Variants in ADTRP observed in about 807,000 individuals in gnomAD.
ADTRP encodes androgen dependent TFPI regulating protein.
In ADTRP, 20 loss-of-function variants were observed where a neutral mutation model predicts 27.0. That is an observed-to-expected ratio of 0.74 (90% CI 0.52 to 1.08). The LOEUF is 1.08. ADTRP is among the 50% of genes least tolerant of loss of function. ADTRP has a pLI of 0.00. For synonymous variants in ADTRP, 101 were observed against 105.2 expected, an observed-to-expected ratio of 0.96 and a Z score of 0.25; for missense variants, 251 against 275.0, an observed-to-expected ratio of 0.91 and a Z score of 0.62.
chr6:11,754,399 T>C (rs1763149764), intron 3 of ADTRP, among the ~76,000 whole-genome samples: 1 of 152,140 alleles, frequency 6.6e-6, no homozygotes, highest in Non-Finnish European at 1.5e-5. Flanking sequence ...AACAAGGACC[T>C]TCTCTATATA....
intron 3 of ADTRP, among the ~76,000 whole-genome samples, chr6:11,741,533 T>C (rs1033659141): frequency 5.9e-5 from 9 of 152,214 alleles, no homozygotes; most frequent in African/African-American, 1.9e-4. Context: ...ATGACAACTT[T>C]ATGAATCTTC....
At chr6:11,761,126 T>C (rs1763378636) in intron 3 of ADTRP, among the ~76,000 whole-genome samples, 1 of 152,238 alleles carries the variant, frequency 6.6e-6, no homozygotes, top group African/African-American at 2.4e-5. Flanking sequence ...GCCTTTCTTC[T>C]GCCAGAATGT....
chr6:11,754,939 G>T, intron 3 of ADTRP: 1 of 796,538 alleles, frequency 1.3e-6, no homozygotes, highest in South Asian at 5.8e-5. Flanking sequence ...TCTGTCTTGA[G>T]ATCATGGGAG....
chr6:11,757,293 T>A (rs1763244771), intron 3 of ADTRP, among the ~76,000 whole-genome samples: 2 of 152,150 alleles, frequency 1.3e-5, no homozygotes, highest in African/African-American at 4.8e-5. Flanking sequence ...ATCCCCCCAA[T>A]CTTTTACTCT....
intron 3 of ADTRP, among the ~76,000 whole-genome samples, chr6:11,757,556 A>C (rs1008305907): frequency 6.6e-6 from 1 of 152,210 alleles, no homozygotes; most frequent in African/African-American, 2.4e-5. Context: ...CTCATTTGGA[A>C]ACAAATGCAA....
chr6:11,775,201 A>G (rs553929176), intron 1 of ADTRP, among the ~76,000 whole-genome samples: 1 of 152,062 alleles, frequency 6.6e-6, no homozygotes, highest in South Asian at 2.1e-4. Context: ...GTGCTCAGTG[A>G]GGAGACTGAT....
At chr6:11,716,412 C>T (rs183598313) in intron 5 of ADTRP, among the ~76,000 whole-genome samples, 3 of 152,212 alleles carry the variant, frequency 2.0e-5, no homozygotes, top group Admixed American at 1.3e-4. Flanking sequence ...TGGTTCCCTC[C>T]ATTGGATTAG....
intron 1 of ADTRP, among the ~76,000 whole-genome samples, chr6:11,774,187 T>A (rs1464297883): frequency 6.6e-6 from 1 of 151,998 alleles, no homozygotes; most frequent in African/African-American, 2.4e-5. Flanking sequence ...GTGCATGCTG[T>A]AGTCCCAGCT....
chr6:11,741,702 T>C (rs1762720442), intron 3 of ADTRP, among the ~76,000 whole-genome samples: 1 of 136,282 alleles, frequency 7.3e-6, no homozygotes, highest in Admixed American at 7.4e-5. Flanking sequence ...TTCTATCCAG[T>C]TAAGGATAAG....
intron 5 of ADTRP, among the ~76,000 whole-genome samples, chr6:11,718,307 C>T (rs1287344292): frequency 6.6e-6 from 1 of 152,262 alleles, no homozygotes; most frequent in African/African-American, 2.4e-5. Context: ...CAACCACCCC[C>T]ACATAGCAGA....
At position 11,714,350 on chromosome 6, in the gene ADTRP, G is replaced by T; in HGVS notation, c.*128C>A. 1 of 1,054,034 alleles carries T rather than the reference G, an allele frequency of 9.5e-7. No homozygotes were observed. The highest frequency in any genetic ancestry group is 1.4e-6 in the Non-Finnish European group (1 of 727,272). The allele number at this position is 1,054,034 out of a possible 1,614,324, so 65.3% of individuals were successfully genotyped here. ...TTCACGAACCTCTTATTAAATTTAA[G>T]TATCACTCTCTGTCCCTCCTACTTT... On this transcript the variant is annotated 3_prime_UTR_variant, in exon 6 of 6. Transcript: ENST00000414691.
intron 3 of ADTRP, among the ~76,000 whole-genome samples, chr6:11,737,872 C>A (rs1274431108): frequency 6.6e-6 from 1 of 152,198 alleles, no homozygotes; most frequent in Non-Finnish European, 1.5e-5. Context: ...CCCCGTCGCA[C>A]CTTGCATATT....
chr6:11,760,731 A>G (rs186482943), intron 3 of ADTRP, among the ~76,000 whole-genome samples: 9 of 152,354 alleles, frequency 5.9e-5, no homozygotes, highest in African/African-American at 1.9e-4. Context: ...ATCATTATCT[A>G]ATAGGCATCT....
intron 3 of ADTRP, chr6:11,736,029 C>T (rs1762540930): frequency 5.5e-6 from 1 of 183,248 alleles, no homozygotes; most frequent in East Asian, 1.6e-4. Context: ...GTGCCACGAT[C>T]TTGGCTCACT....
intron 5 of ADTRP, among the ~76,000 whole-genome samples, chr6:11,717,866 T>G (rs896972899): frequency 4.6e-5 from 7 of 152,194 alleles, no homozygotes; most frequent in African/African-American, 1.7e-4. Context: ...GGAGATAAAT[T>G]TTTGCCATTG....
At chr6:11,731,286 ATATTT>A (rs1762371387) in intron 4 of ADTRP, among the ~76,000 whole-genome samples, 2 of 152,232 alleles carry the variant, frequency 1.3e-5, no homozygotes, top group African/African-American at 4.8e-5. Flanking sequence ...ATATTGGTTT[ATATTT>A]TATTTTGTTT....
chr6:11,761,819 C>G (rs565163633), intron 3 of ADTRP, among the ~76,000 whole-genome samples: 1 of 152,260 alleles, frequency 6.6e-6, no homozygotes, highest in East Asian at 1.9e-4. Context: ...GAAAAACAGT[C>G]TATAGATATT....
At position 11,768,232 on chromosome 6, in the gene ADTRP, A is replaced by C; in HGVS notation, c.288+17T>G. On this transcript the variant is annotated intron_variant, in intron 2 of 5. Transcript: ENST00000414691. Reference sequence around the variant, plus strand: ...TGCACATTTCTGTTAGATTATGTACACATCTTTGAAACTTACCGTGGATAC... The same window carrying C: ...TGCACATTTCTGTTAGATTATGTACCCATCTTTGAAACTTACCGTGGATAC... 3 of 1,613,990 alleles carry C rather than the reference A, an allele frequency of 1.9e-6. No homozygotes were observed. The highest frequency in any genetic ancestry group is 2.5e-6 in the Non-Finnish European group (3 of 1,179,928).
Position 11,768,414 on chromosome 6 carries a change from T to C in ADTRP, c.154-31A>G, listed in dbSNP as rs775235439. 1.9e-6 allele frequency: 3 copies of C among 1,612,576 alleles called. No individual in the cohort carries two copies. The South Asian group carries it at 3.3e-5, about 18-fold the overall frequency. On this transcript the variant is annotated intron_variant, in intron 1 of 5. Coordinates refer to ENST00000414691, the MANE Select transcript of ADTRP (RefSeq NM_032744.4). ...TCCATTACAACAAATGAGGGCATTT[T>C]CATTTACTTTAATTAATACCTTCTT...
Sources: allele counts gnomAD v4.1 joint callset (sites outside exome capture counted in the v4.1 genomes callset), GRCh38; gene constraint gnomAD v4.1.1; transcripts MANE v1.5; gene names NCBI Gene and HGNC (gene_info 2026-07-23, HGNC 2026-07-21).